UMODL1: variants seen among roughly 807,000 people sequenced by gnomAD.
UMODL1 encodes the protein uromodulin-like 1.
Under a neutral mutation model 136.3 loss-of-function variants are expected in UMODL1, and 128 were observed. The ratio of observed to expected loss-of-function variants is 0.94; its 90% CI spans 0.81 to 1.09. The LOEUF is 1.09. Among genes scored for constraint, UMODL1 ranks in the 50% least tolerant of loss-of-function variants. The pLI is 0.00. For synonymous variants in UMODL1, 721 were observed against 720.0 expected (o/e 1.00, Z -0.02); for missense variants, 1,766 against 1,725.6 (o/e 1.02, Z -0.41).
rs1414498599 is a variant in UMODL1, at chr21:42,084,192, A to G, written c.428A>G (p.Glu143Gly). The stretch of plus-strand genomic sequence containing the variant: ...TTGGACATCGACTGTCCTGGACTTG[A>G]GAAGTGCTGCCCCTGGTCAGGGGGG... ...CSLDIDCPGLEKCCPWSGGRY... is the reference protein window; with the variant it reads ...CSLDIDCPGLGKCCPWSGGRY... The change falls in exon 3 of 23, where the codon GAG becomes GGG. Residue 143 changes from glutamate to glycine, a missense_variant. By Grantham distance (98) the Glu-to-Gly change is moderately conservative (BLOSUM62 -2). Transcript: ENST00000408910. 6 of 1,613,938 alleles carry G rather than the reference A, an allele frequency of 3.7e-6. No individual in the cohort carries two copies. Among genetic ancestry groups the G allele is most frequent in the Non-Finnish European group, 5.1e-6 (6 of 1,180,024 alleles).
rs373584291 is a variant in UMODL1 at position 42,103,716 on chromosome 21, C to G, written c.1300-152C>G. The G allele has an allele frequency of 8.6e-5, 77 of 899,804 alleles. No homozygotes were observed. In the African/African-American group the frequency reaches 1.1e-3, roughly 13 times the overall value. The allele number at this position is 899,804 out of a possible 1,614,324, so 55.7% of individuals were successfully genotyped here. Reference sequence around the variant, plus strand: ...GCTAAGGTGCTGTGAACGGACTTCTCTGCGTGCTCTGAGAGGTCGGTCGTC... The same window carrying G: ...GCTAAGGTGCTGTGAACGGACTTCTGTGCGTGCTCTGAGAGGTCGGTCGTC... On this transcript the variant is annotated intron_variant, in intron 8 of 22. Transcript: ENST00000408910.
In UMODL1 at chr21:42,104,084, C is replaced by A. The variant is rs754546770; in HGVS notation, c.1516C>A (p.Gln506Lys). 6 of 1,608,792 alleles carry A rather than the reference C, an allele frequency of 3.7e-6. No individual in the cohort carries two copies. In the South Asian group the frequency reaches 5.5e-5, roughly 15 times the overall value. ...FQIDRQGTRV[Q>K]DWDECVDSAE... is the part of the protein sequence containing the mutation. The stretch of plus-strand genomic sequence containing the variant: ...GATTGACCGGCAGGGGACACGCGTG[C>A]AAGGTATGGCCCAGCCACCCGCCCT... Residue 506 changes from glutamine to lysine, a missense_variant, in exon 9 of 23, where the codon CAA becomes AAA. Transcript: ENST00000408910.
At chr21:42,115,755 G>C (rs1434549894) in intron 13 of UMODL1, 118 bp from the exon 14 acceptor site, 1 of 736,746 alleles carries the variant, frequency 1.4e-6, no homozygotes, top group Non-Finnish European at 2.3e-6. Context: ...TCTAGAACAC[G>C]GGTTGGCTTT....
chr21:42,103,065 C>T (rs1211275243), intron 8 of UMODL1: 1 of 157,584 alleles, frequency 6.3e-6, no homozygotes, highest in Non-Finnish European at 1.4e-5. Context: ...AGCACTGGCT[C>T]CAGAAGGAGA....
intron 2 of UMODL1, among the ~76,000 whole-genome samples, chr21:42,080,587 G>A (rs942643500): frequency 1.3e-5 from 2 of 152,200 alleles, no homozygotes; most frequent in Admixed American, 6.5e-5. Flanking sequence ...TTTGGAATGC[G>A]ATGACAACTG....
Position 42,126,466 on chromosome 21 carries a change from C to G in UMODL1, c.3269C>G (p.Ser1090Cys). 1 of 1,614,280 alleles carries G rather than the reference C, an allele frequency of 6.2e-7. No homozygotes were observed. Among genetic ancestry groups the G allele is most frequent in the Non-Finnish European group, 8.5e-7 (1 of 1,180,040 alleles). ...GCCTTCCAGAATGACCTGCTGACATCCTCCGGCTTCACCCTGGAGTGGGGG... is the reference window on the plus strand; with the variant it reads ...GCCTTCCAGAATGACCTGCTGACATGCTCCGGCTTCACCCTGGAGTGGGGG... ...YCAFQNDLLT[S>C]SGFTLEWGVY... is the part of the protein sequence containing the mutation. The change falls in exon 18 of 23, where the codon TCC (serine) becomes TGC (cysteine). Residue 1090 changes from serine (S) to cysteine (C), a missense_variant. Coordinates refer to ENST00000408910, the MANE Select transcript of UMODL1 (RefSeq NM_001004416.3).
At position 42,137,657 on chromosome 21, in the gene UMODL1, GGTGGGAGGT is replaced by G; in HGVS notation, c.*21+18_*21+26del. 1.5e-6 allele frequency: 1 copy of G among 660,874 alleles called. No individual in the cohort carries two copies. The highest frequency in any genetic ancestry group is 2.1e-6 in the Non-Finnish European group (1 of 480,716). 40.9% of individuals were successfully genotyped at this position (660,874 alleles called of 1,614,324 possible). A position where few individuals can be genotyped will look rare whatever the true frequency, so the allele number is the denominator to read the frequency against. On this transcript the variant is annotated intron_variant, in intron 22 of 22. Transcript: ENST00000408910. ...TGACAGGAAGGTGGGTGCGGAGTGG[GGTGGGAGGT>G]GCAGGCTGACAGGAAGGTGGGTGTG...
rs761688268 is a variant in UMODL1 at position 42,096,618 on chromosome 21, C to T, written c.932-2308C>T. 7.9e-5 allele frequency among the ~76,000 whole-genome samples: 12 copies of T among 152,342 alleles called. No homozygotes were observed. In the South Asian group the frequency reaches 2.3e-3, roughly 29 times the overall value. On this transcript the variant is annotated intron_variant, in intron 6 of 22. Coordinates refer to ENST00000408910, the MANE Select transcript of UMODL1 (RefSeq NM_001004416.3). ...ATGGCCTGTAATCTGGGTGGGCCAT[C>T]TGTTGTCCCACCCATGTGCTCTCTC...
Position 42,122,087 on chromosome 21 carries a change from G to A in UMODL1, c.2828-744G>A, listed in dbSNP as rs1224831558. ...TGGACTATGGCCCAGAGACAGGAGT[G>A]AGCTGGGTGGAGCTGCAGGGTGCTG... On this transcript the variant is annotated intron_variant, in intron 16 of 22. Transcript: ENST00000408910. The surrounding 1 kb of genome is among the most constrained non-coding windows in gnomAD (Gnocchi z 4.3). Among the ~76,000 whole-genome samples, 1 of 152,300 alleles carries A rather than the reference G, an allele frequency of 6.6e-6. No individual in the cohort carries two copies. The highest frequency in any genetic ancestry group is 1.9e-4 in the East Asian group (1 of 5,184).
At chr21:42,105,345 C>T (rs974696457) in intron 9 of UMODL1, among the ~76,000 whole-genome samples, 2 of 152,242 alleles carry the variant, frequency 1.3e-5, no homozygotes, top group South Asian at 2.1e-4. Flanking sequence ...TGCCACCCAG[C>T]CCGCCCTCCA....
intron 15 of UMODL1, 143 bp from the exon 16 acceptor site, chr21:42,120,944 C>A: frequency 9.2e-7 from 1 of 1,083,786 alleles, no homozygotes; most frequent in Non-Finnish European, 1.3e-6. Flanking sequence ...CTGTACTTTC[C>A]AGAACTGGTG....
chr21:42,074,953 G>C (rs887755736), intron 1 of UMODL1, among the ~76,000 whole-genome samples: 5 of 151,522 alleles, frequency 3.3e-5, no homozygotes, highest in Non-Finnish European at 7.4e-5. Flanking sequence ...CCAGGGTGGA[G>C]TGCAGTGGCG....
At chr21:42,133,238 C>G (rs1569179695) in intron 21 of UMODL1, among the ~76,000 whole-genome samples, 1 of 152,216 alleles carries the variant, frequency 6.6e-6, no homozygotes, top group African/African-American at 2.4e-5. Context: ...CAGACAGGTT[C>G]CTCAGGACCT....
chr21:42,138,195 C>T (rs75056040), intron 22 of UMODL1, among the ~76,000 whole-genome samples: 1,685 of 152,262 alleles, frequency 0.011, 40 homozygotes, highest in South Asian at 0.059. Flanking sequence ...GTAACATTTC[C>T]GGCCACGTGG....
intron 13 of UMODL1, 130 bp downstream of exon 13, chr21:42,113,960 A>G: frequency 7.5e-7 from 1 of 1,327,410 alleles, no homozygotes; most frequent in South Asian, 1.5e-5. Flanking sequence ...CAGCTTAGGG[A>G]CATCCGGCTG....
intron 21 of UMODL1, among the ~76,000 whole-genome samples, chr21:42,132,978 A>G (rs2067153581): frequency 6.6e-6 from 1 of 152,262 alleles, no homozygotes; most frequent in Non-Finnish European, 1.5e-5. Context: ...GCATAACCAA[A>G]GCAGGAAGCA....
At chr21:42,111,354 AGAGCCCCAGCCAGGG>A in intron 11 of UMODL1, 137 bp from the exon 12 acceptor site, 2 of 1,590,832 alleles carry the variant, frequency 1.3e-6, no homozygotes, top group Non-Finnish European at 8.5e-7. Context: ...CCCAGCCAGG[AGAGCCCCAGCCAGGG>A]GAGCACCAGC....
chr21:42,140,194 G>A (rs951660994), intron 22 of UMODL1, among the ~76,000 whole-genome samples: 1 of 152,244 alleles, frequency 6.6e-6, no homozygotes, highest in African/African-American at 2.4e-5. Flanking sequence ...CGAAGAGGGG[G>A]TGGGCTGATG....
intron 19 of UMODL1, 57 bp downstream of exon 19, chr21:42,127,299 ATAGG>A: frequency 6.8e-7 from 1 of 1,478,568 alleles, no homozygotes; most frequent in Non-Finnish European, 9.4e-7. Context: ...TTTATTAACA[ATAGG>A]TAGGGCTCAA....
Sources: allele counts gnomAD v4.1 joint callset (sites outside exome capture counted in the v4.1 genomes callset), GRCh38; gene constraint gnomAD v4.1.1; non-coding constraint Gnocchi (gnomAD v3.1); transcripts MANE v1.5; gene names NCBI Gene and HGNC (gene_info 2026-07-23, HGNC 2026-07-21).